NUP93: variants seen among roughly 807,000 people sequenced by gnomAD.
The protein encoded by NUP93 is nucleoporin 93.
NUP93 carries 55 observed loss-of-function variants against 107.8 expected under a neutral mutation model. The ratio of observed to expected loss-of-function variants is 0.51; its 90% CI spans 0.41 to 0.64. The LOEUF (loss-of-function observed/expected upper bound fraction) is 0.64, where lower values mean the gene tolerates loss of function less well. Ranked by LOEUF, NUP93 falls within the 30% of genes least tolerant of loss-of-function variation. The probability of loss-of-function intolerance (pLI) is 0.00; values close to 1 mark genes in which losing one functional copy is unlikely to be tolerated. For missense variants in NUP93, 937 were observed against 1,044.7 expected (o/e 0.90, Z 1.42); for synonymous variants, 390 against 397.5 (o/e 0.98, Z 0.22).
At chr16:56,740,265 C>G (rs1167058070) in intron 1 of NUP93, among the ~76,000 whole-genome samples, 13 of 145,416 alleles carry the variant, frequency 8.9e-5, no homozygotes, top group African/African-American at 2.8e-4. Flanking sequence ...CCTCACTTCT[C>G]AGACGGGGTG....
intron 5 of NUP93, among the ~76,000 whole-genome samples, chr16:56,807,149 G>A (rs771089753): frequency 7.9e-5 from 12 of 152,128 alleles, no homozygotes; most frequent in Non-Finnish European, 1.5e-4. Flanking sequence ...TGCACCAGCC[G>A]AACAGGCTTC....
chr16:56,738,011 G>A (rs553521794), intron 1 of NUP93, among the ~76,000 whole-genome samples: 10 of 152,234 alleles, frequency 6.6e-5, no homozygotes, highest in Non-Finnish European at 1.5e-4. Context: ...TATGCTAGTT[G>A]TAAGACAGAA....
intron 7 of NUP93, among the ~76,000 whole-genome samples, chr16:56,822,646 C>T (rs901597129): frequency 6.7e-6 from 1 of 149,530 alleles, no homozygotes. Flanking sequence ...CTGCAACCTC[C>T]ACCTCCTGGG....
intron 10 of NUP93, among the ~76,000 whole-genome samples, chr16:56,831,294 G>A (rs1963781497): frequency 6.6e-6 from 1 of 152,206 alleles, no homozygotes; most frequent in African/African-American, 2.4e-5. Flanking sequence ...GGTTACTGTA[G>A]CTGTACTTGT....
chr16:56,748,290 C>T lies in NUP93; in HGVS notation c.43C>T (p.Gln15Ter), dbSNP rs1161557773. The T allele has an allele frequency of 6.2e-7, 1 of 1,613,824 alleles. No homozygotes were observed. The highest frequency in any genetic ancestry group is 8.5e-7 in the Non-Finnish European group (1 of 1,179,852). Residue 15 changes from glutamine (Q) to a stop codon, truncating the protein, a stop_gained, in exon 2 of 22, where the codon CAG (glutamine) becomes TAG (stop). Coordinates refer to ENST00000308159, the MANE Select transcript of NUP93 (RefSeq NM_014669.5). LOFTEE classifies it high-confidence loss of function. ...GFGELLQQAE[Q>*]LAAETEGISE... ...TGGTGAGCTCCTTCAGCAAGCTGAA[C>T]AGCTTGCTGCTGAGACTGAGGGCAT...
At chr16:56,821,235 G>T (rs1268528958) in intron 6 of NUP93, among the ~76,000 whole-genome samples, 2 of 152,172 alleles carry the variant, frequency 1.3e-5, no homozygotes, top group Non-Finnish European at 2.9e-5. Context: ...TTCCTCACTA[G>T]GACAGAGGCA....
intron 5 of NUP93, among the ~76,000 whole-genome samples, chr16:56,814,080 C>T (rs1963369921): frequency 1.3e-5 from 2 of 152,184 alleles, no homozygotes; most frequent in Admixed American, 6.5e-5. Flanking sequence ...AAAGCCAAAA[C>T]ATTCCACTTA....
intron 5 of NUP93, among the ~76,000 whole-genome samples, chr16:56,808,768 A>ATATATAAATACATATATAAATATG (rs1479342455): frequency 9.7e-5 from 14 of 144,246 alleles, no homozygotes; most frequent in African/African-American, 1.3e-4. Context: ...AAAAATACAT[A>ATATATAAATACATATATAAATATG]TATATAAATA....
intron 4 of NUP93, among the ~76,000 whole-genome samples, chr16:56,800,276 T>G (rs1191443896): frequency 6.6e-6 from 1 of 152,240 alleles, no homozygotes; most frequent in Non-Finnish European, 1.5e-5. Flanking sequence ...GATTCAGATC[T>G]GAAAATATTT....
chr16:56,823,943 G>A, intron 8 of NUP93, 97 bp downstream of exon 8: 1 of 1,427,374 alleles, frequency 7.0e-7, no homozygotes, highest in Non-Finnish European at 9.4e-7. Flanking sequence ...TGTGCTGTAG[G>A]TATAATTTAA....
intron 1 of NUP93, chr16:56,741,907 C>G (rs1961746442): frequency 6.6e-6 from 1 of 152,202 alleles, no homozygotes; most frequent in Non-Finnish European, 1.5e-5. Flanking sequence ...TAGCTGGTGT[C>G]ATCTCCCCAT....
intron 3 of NUP93, among the ~76,000 whole-genome samples, chr16:56,795,347 A>G (rs1242784526): frequency 2.0e-5 from 3 of 152,218 alleles, no homozygotes; most frequent in East Asian, 3.8e-4. Context: ...TTGACTTGAC[A>G]TAATCATTTG....
At chr16:56,827,032 G>A (rs1379926744) in intron 8 of NUP93, among the ~76,000 whole-genome samples, 1 of 59,252 alleles carries the variant, frequency 1.7e-5, no homozygotes, top group East Asian at 4.9e-4. Flanking sequence ...GGGATGGAAT[G>A]AGACTCCGTC....
At chr16:56,801,506 G>C (rs991440838) in intron 4 of NUP93, among the ~76,000 whole-genome samples, 2 of 151,500 alleles carry the variant, frequency 1.3e-5, no homozygotes, top group Non-Finnish European at 2.9e-5. Context: ...TCCATCTCCA[G>C]GGTTCAAGTG....
chr16:56,751,980 A>G (rs755324384), intron 2 of NUP93, among the ~76,000 whole-genome samples: 1 of 152,194 alleles, frequency 6.6e-6, no homozygotes, highest in Non-Finnish European at 1.5e-5. Context: ...CTCCCTGCAT[A>G]TGCATTGCAT....
rs531400665 is a variant in NUP93, at chr16:56,767,159, A to G, written c.297+8504A>G. ...GCGATCACAAGATCAGCAGTGGTGC[A>G]CGCACCACTTTAATTATCCTGGAGG... On this transcript the variant is annotated intron_variant, in intron 3 of 21. Coordinates refer to ENST00000308159, the MANE Select transcript of NUP93 (RefSeq NM_014669.5). Among the ~76,000 whole-genome samples, 15 of 152,320 alleles carry G rather than the reference A, an allele frequency of 9.8e-5. No homozygotes were observed. In the East Asian group the frequency reaches 2.9e-3, roughly 29 times the overall value.
rs1964130425 is a variant in NUP93, at chr16:56,847,529, T to G, written c.*2920T>G. The G allele has an allele frequency of 6.6e-6, 1 of 152,208 alleles. No individual in the cohort carries two copies. Among genetic ancestry groups the G allele is most frequent in the African/African-American group, 2.4e-5 (1 of 41,448 alleles). 9.4% of individuals were successfully genotyped at this position (152,208 alleles called of 1,614,324 possible). On this transcript the variant is annotated 3_prime_UTR_variant, in exon 22 of 22. Coordinates refer to ENST00000308159, the MANE Select transcript of NUP93 (RefSeq NM_014669.5). Reference sequence around the variant, plus strand: ...GTCAGGGTTTGTTCCTGTCTCAGAATGGCTCATAATAAACTCACTGAAACA... The same window carrying G: ...GTCAGGGTTTGTTCCTGTCTCAGAAGGGCTCATAATAAACTCACTGAAACA...
In NUP93 at chr16:56,748,378, G is replaced by A. The variant is rs146068835; in HGVS notation, c.131G>A (p.Arg44His). ...ATCCAGCAGGCGGGAGAGCGCCTGC[G>A]TTCCCGTACCCTAACACGCACGTCC... ...QEIQQAGERL[R>H]SRTLTRTSQE... The change falls in exon 2 of 22, where the codon CGT becomes CAT. Residue 44 changes from arginine to histidine, a missense_variant. Physicochemically the swap from Arg to His is conservative, Grantham distance 29 (BLOSUM62 0). Transcript: ENST00000308159. The A allele has an allele frequency of 1.9e-5, 31 of 1,613,806 alleles. No individual in the cohort carries two copies. The highest frequency in any genetic ancestry group is 2.4e-5 in the Non-Finnish European group (28 of 1,180,000).
chr16:56,825,855 AT>A (rs1472843355), intron 8 of NUP93, among the ~76,000 whole-genome samples: 2 of 152,132 alleles, frequency 1.3e-5, no homozygotes, highest in Non-Finnish European at 2.9e-5. Flanking sequence ...TAAAGGGGGT[AT>A]TTTAGAATAA....
Sources: gnomAD v4.1 joint callset for allele counts (sites outside exome capture counted in the v4.1 genomes callset) on GRCh38, gnomAD v4.1.1 for gene constraint, MANE v1.5 for transcripts, NCBI Gene and HGNC (gene_info 2026-07-23, HGNC 2026-07-21) for gene names.